The following GRID1 variants were observed in gnomAD, a reference collection of about 807,000 sequenced individuals.
GRID1 encodes the protein glutamate receptor ionotropic, delta-1.
Under a neutral mutation model 98.0 loss-of-function variants are expected in GRID1, and 28 were observed. The observed-to-expected ratio is 0.29, with a 90% CI of 0.21 to 0.39. GRID1 has a LOEUF of 0.39. GRID1 is among the 10% of genes least tolerant of loss of function. The pLI is 1.00. For synonymous variants in GRID1, 553 were observed against 538.5 expected, an observed-to-expected ratio of 1.03 and a Z score of -0.37; for missense variants, 1,111 against 1,340.5, an observed-to-expected ratio of 0.83 and a Z score of 2.67.
chr10:85,978,829 G>A (rs1167859340), intron 4 of GRID1, among the ~76,000 whole-genome samples: 1 of 152,196 alleles, frequency 6.6e-6, no homozygotes, highest in African/African-American at 2.4e-5. Flanking sequence ...CTGCTCAGCT[G>A]CATGTGGCAA....
chr10:85,605,490 G>A (rs573146869), intron 15 of GRID1: 1 of 152,320 alleles, frequency 6.6e-6, no homozygotes, highest in Admixed American at 6.5e-5. Context: ...GGGACCATTG[G>A]AAGAACTAGT....
intron 4 of GRID1, among the ~76,000 whole-genome samples, chr10:86,067,600 TTCCCCACCCAGA>T (rs1843739367): frequency 6.6e-6 from 1 of 152,172 alleles, no homozygotes; most frequent in Non-Finnish European, 1.5e-5. Context: ...GGCACTGCGG[TTCCCCACCCAGA>T]TCCCCTCCAC....
In GRID1 at chr10:86,024,313, A is replaced by G. The variant is rs181123563; in HGVS notation, c.727-108074T>C. Among the ~76,000 whole-genome samples the G allele has an allele frequency of 3.8e-3, 584 of 152,324 alleles. 9 individuals carry two copies. The highest frequency in any genetic ancestry group is 0.014 in the African/African-American group (564 of 41,576). ...ATTTAAACACCTCAGAAGTGATGAT[A>G]AGAAGCAAGATAATAAGGTAGCCAG... On this transcript the variant is annotated intron_variant, in intron 4 of 15. Transcript: ENST00000327946.
In GRID1 at chr10:86,206,271, T is replaced by C. The variant is rs56757884; in HGVS notation, c.520+93A>G. 514,165 of 1,268,636 alleles carry C rather than the reference T, an allele frequency of 0.41. 107,440 individuals carry two copies. The highest frequency in any genetic ancestry group is 0.44 in the Non-Finnish European group (402,952 of 918,206). 78.6% of individuals were successfully genotyped at this position (1,268,636 alleles called of 1,614,324 possible). ...AGGCCCACTCAGCACAGACCACCCCTGACCGGTCCAGGGCCCCACCCACTC... is the reference window on the plus strand; with the variant it reads ...AGGCCCACTCAGCACAGACCACCCCCGACCGGTCCAGGGCCCCACCCACTC... On this transcript the variant is annotated intron_variant, in intron 3 of 15. Coordinates refer to ENST00000327946, the MANE Select transcript of GRID1 (RefSeq NM_017551.3). The surrounding 1 kb of genome is among the most constrained non-coding windows in gnomAD (Gnocchi z 4.1).
intron 1 of GRID1, 120 bp from the exon 2 acceptor site, chr10:86,364,216 G>T (rs1483003894): frequency 5.2e-6 from 4 of 765,500 alleles, no homozygotes; most frequent in Non-Finnish European, 8.6e-6. Flanking sequence ...GTCTGAACTG[G>T]GATTTCAGCT....
intron 4 of GRID1, among the ~76,000 whole-genome samples, chr10:86,048,131 A>T (rs915241923): frequency 1.3e-5 from 2 of 152,310 alleles, no homozygotes; most frequent in Non-Finnish European, 2.9e-5. Flanking sequence ...CCCAGTGAAG[A>T]AGTCAAAGTA....
At chr10:86,079,817 T>C (rs905210108) in intron 4 of GRID1, among the ~76,000 whole-genome samples, 1 of 152,228 alleles carries the variant, frequency 6.6e-6, no homozygotes, top group Non-Finnish European at 1.5e-5. Flanking sequence ...CTAACAGTTA[T>C]AGAGTAAATT....
intron 4 of GRID1, among the ~76,000 whole-genome samples, chr10:85,978,819 C>G (rs1312132111): frequency 6.6e-6 from 1 of 152,200 alleles, no homozygotes; most frequent in Non-Finnish European, 1.5e-5. Flanking sequence ...AGGATGCAAC[C>G]TGCTCAGCTG....
chr10:86,054,512 C>T (rs942849349), intron 4 of GRID1, among the ~76,000 whole-genome samples: 3 of 152,160 alleles, frequency 2.0e-5, no homozygotes, highest in Admixed American at 6.5e-5. Flanking sequence ...GGGCCCCTCA[C>T]TTATCCACAG....
At chr10:85,728,155 T>A in intron 9 of GRID1, 103 bp from the exon 10 acceptor site, 1 of 893,258 alleles carries the variant, frequency 1.1e-6, no homozygotes, top group South Asian at 1.4e-5. Context: ...ACATTTGCAG[T>A]TCCCCAATTT....
intron 5 of GRID1, among the ~76,000 whole-genome samples, chr10:85,910,188 G>A (rs1288765214): frequency 6.6e-6 from 1 of 152,072 alleles, no homozygotes; most frequent in Non-Finnish European, 1.5e-5. Context: ...GATGGTAAAT[G>A]GTATAGGGAC....
At chr10:85,843,475 A>C in intron 8 of GRID1, among the ~76,000 whole-genome samples, 1 of 152,134 alleles carries the variant, frequency 6.6e-6, no homozygotes, top group South Asian at 2.1e-4. Flanking sequence ...CTTTGCAAAA[A>C]ATCCTCAACA....
intron 2 of GRID1, among the ~76,000 whole-genome samples, chr10:86,346,274 T>G (rs183265890): frequency 3.6e-3 from 546 of 152,358 alleles, no homozygotes; most frequent in Admixed American, 5.3e-3. Flanking sequence ...CGTTTCTTCT[T>G]GGACCACCAC....
intron 4 of GRID1, among the ~76,000 whole-genome samples, chr10:86,025,586 C>T (rs182639576): frequency 1.0e-3 from 155 of 152,310 alleles, no homozygotes; most frequent in African/African-American, 3.5e-3. Flanking sequence ...GAACAGGAGC[C>T]ATTATCTCCT....
At chr10:86,187,822 C>T (rs1016234814) in intron 3 of GRID1, among the ~76,000 whole-genome samples, 2 of 152,238 alleles carry the variant, frequency 1.3e-5, no homozygotes, top group African/African-American at 4.8e-5. Context: ...GTTCCCACCA[C>T]CCATCTCCTA....
chr10:85,719,357 C>T (rs576179722), intron 12 of GRID1, among the ~76,000 whole-genome samples: 22 of 152,286 alleles, frequency 1.4e-4, no homozygotes, highest in African/African-American at 5.3e-4. Flanking sequence ...AGCAATGCCC[C>T]TCATTCAGTA....
intron 8 of GRID1, among the ~76,000 whole-genome samples, chr10:85,821,281 G>A (rs1297422090): frequency 1.3e-5 from 2 of 151,838 alleles, no homozygotes; most frequent in Non-Finnish European, 2.9e-5. Flanking sequence ...ACTTTGGGAG[G>A]CCGAAATGGG....
At chr10:85,949,329 C>A (rs772761477) in intron 4 of GRID1, among the ~76,000 whole-genome samples, 1 of 152,132 alleles carries the variant, frequency 6.6e-6, no homozygotes, top group Non-Finnish European at 1.5e-5. Flanking sequence ...TCCTTCCAGA[C>A]CCTTTCTATG....
intron 4 of GRID1, among the ~76,000 whole-genome samples, chr10:85,992,149 G>A (rs1842688034): frequency 6.6e-6 from 1 of 152,028 alleles, no homozygotes; most frequent in Non-Finnish European, 1.5e-5. Context: ...CCATCTGATG[G>A]CTAAATAAGG....
Sources: gnomAD v4.1 joint callset for allele counts (sites outside exome capture counted in the v4.1 genomes callset) on GRCh38, gnomAD v4.1.1 for gene constraint, Gnocchi (gnomAD v3.1) non-coding constraint, MANE v1.5 for transcripts, NCBI Gene and HGNC (gene_info 2026-07-23, HGNC 2026-07-21) for gene names.